SYNPO2L: variants seen among roughly 807,000 people sequenced by gnomAD.
The protein encoded by SYNPO2L is synaptopodin 2 like, also known as synaptopodin 2-like protein.
SYNPO2L carries 34 observed loss-of-function variants against 47.5 expected under a neutral mutation model. The observed-to-expected ratio is 0.72, with a 90% CI of 0.54 to 0.95. SYNPO2L has a LOEUF of 0.95. Ranked by LOEUF, SYNPO2L falls within the 40% of genes least tolerant of loss-of-function variation. SYNPO2L has a pLI of 0.00. For synonymous variants in SYNPO2L, 536 were observed against 524.9 expected, an observed-to-expected ratio of 1.02 and a Z score of -0.29; for missense variants, 1,246 against 1,282.0, an observed-to-expected ratio of 0.97 and a Z score of 0.43.
chr10:73,647,175 C>T lies in SYNPO2L; in HGVS notation c.2477G>A (p.Arg826Gln), dbSNP rs769605168. The T allele has an allele frequency of 1.2e-6, 2 of 1,613,588 alleles. No homozygotes were observed. The highest frequency in any genetic ancestry group is 1.3e-5 in the African/African-American group (1 of 74,802). Residue 826 changes from arginine to glutamine, a missense_variant, in exon 4 of 4, where the codon CGA becomes CAA. Transcript: ENST00000394810. ...CTGGGATTGGGCCTTAGGGAGAGTT[C>T]GGGCCGCCTGGGGGAAAAAGGGAGA... ...LLSPFFPQAA[R>Q]TLPKAQSQGP... is the part of the protein sequence containing the mutation.
In SYNPO2L at chr10:73,645,264, A is replaced by G; in HGVS notation, c.*1454T>C. On this transcript the variant is annotated 3_prime_UTR_variant, in exon 4 of 4. Transcript: ENST00000394810. The stretch of plus-strand genomic sequence containing the variant: ...TTCCACCATCATTCCCTTCCATTCT[A>G]ACATTCTTCTCCCTCAAATTTTTTT... 9.2e-7 allele frequency: 1 copy of G among 1,092,180 alleles called. No individual in the cohort carries two copies. The allele number at this position is 1,092,180 out of a possible 1,614,324, so 67.7% of individuals were successfully genotyped here.
rs1356519799 is a variant in SYNPO2L, at chr10:73,648,154, C to G, written c.1498G>C (p.Gly500Arg). 2 of 1,548,392 alleles carry G rather than the reference C, an allele frequency of 1.3e-6. No homozygotes were observed. The highest frequency in any genetic ancestry group is 1.9e-5 in the Admixed American group (1 of 53,052). Residue 500 changes from glycine (G) to arginine (R), a missense_variant, in exon 4 of 4, where the codon GGG becomes CGG. Gly to Arg is a moderately radical substitution (Grantham distance 125). This residue lies in a region of SYNPO2L where 1,037 missense variants were observed against 1,021.5 expected (regional missense o/e 1.02). Transcript: ENST00000394810. ...GGGGGTGGGGCGGGGCTGAGGCCCC[C>G]CAGGCTGTCGTTCGCCCTTTTGGGG... ...LAPKRANDSLGGLSPAPPPFL... is the reference protein window; with the variant it reads ...LAPKRANDSLRGLSPAPPPFL...
chr10:73,651,539 C>T (rs73274515), intron 3 of SYNPO2L, among the ~76,000 whole-genome samples: 4,523 of 152,094 alleles, frequency 0.03, 216 homozygotes, highest in African/African-American at 0.1. Context: ...TGGGAAAGCA[C>T]GGGAGGCATA....
intron 3 of SYNPO2L, among the ~76,000 whole-genome samples, chr10:73,652,539 G>A (rs570024206): frequency 2.8e-4 from 42 of 152,174 alleles, no homozygotes; most frequent in African/African-American, 9.4e-4. Context: ...GTGTGGTGGC[G>A]GGTGCCTATA....
At chr10:73,655,690 G>GAC in intron 1 of SYNPO2L, 128 bp downstream of exon 1, 1 of 271,704 alleles carries the variant, frequency 3.7e-6, no homozygotes, top group Non-Finnish European at 7.4e-6. Context: ...ATACTTCCCT[G>GAC]CCCACCACCC....
At chr10:73,653,687 G>A in intron 2 of SYNPO2L, 34 bp from the exon 3 acceptor site, 1 of 1,506,342 alleles carries the variant, frequency 6.6e-7, no homozygotes, top group Non-Finnish European at 8.9e-7. Flanking sequence ...TTGAGAGATG[G>A]GCTGGGTACT....
chr10:73,651,127 G>A (rs1015695036), intron 3 of SYNPO2L: 33 of 1,383,810 alleles, frequency 2.4e-5, no homozygotes, highest in Non-Finnish European at 2.9e-5. Context: ...GCTATTTTTG[G>A]AGCCTGGCCC....
Position 73,647,653 on chromosome 10 carries a change from C to G in SYNPO2L, c.1999G>C (p.Gly667Arg), listed in dbSNP as rs775835367. The G allele has an allele frequency of 2.5e-6, 4 of 1,614,132 alleles. No individual in the cohort carries two copies. The Admixed American group carries it at 5.0e-5, about 20-fold the overall frequency. Reference sequence around the variant, plus strand: ...TCTTCTTCAGGACCAGATTCTGCACCCCCGGCCCGAGGCTTTTCATCCAGG... The same window carrying G: ...TCTTCTTCAGGACCAGATTCTGCACGCCCGGCCCGAGGCTTTTCATCCAGG... Reference protein sequence around the residue: ...QNLDEKPRAGGAESGPEEDAL... With the variant: ...QNLDEKPRAGRAESGPEEDAL... The change falls in exon 4 of 4, where the codon GGT (glycine) becomes CGT (arginine). Residue 667 changes from glycine to arginine, a missense_variant. Physicochemically the swap from Gly to Arg is moderately radical, Grantham distance 125. Coordinates refer to ENST00000394810, the MANE Select transcript of SYNPO2L (RefSeq NM_001114133.3).
At position 73,654,130 on chromosome 10, in the gene SYNPO2L, G is replaced by T; in HGVS notation, c.256C>A (p.Arg86=). The T allele has an allele frequency of 1.3e-6, 2 of 1,551,610 alleles. No homozygotes were observed. Among genetic ancestry groups the T allele is most frequent in the Non-Finnish European group, 1.7e-6 (2 of 1,146,932 alleles). The stretch of plus-strand genomic sequence containing the variant: ...AGAGAAGAGGAGAGAGGTCCATACC[G>T]CTGCACAGTGAGGACAAGCTGATTT... ...SGNQLVLTVQ[R]LADEGPVQSP... is the part of the protein sequence containing the mutation. Residue 86 remains arginine, a splice_region_variant and synonymous_variant, in exon 2 of 4, where the codon CGG becomes AGG. Transcript: ENST00000394810.
intron 3 of SYNPO2L, chr10:73,651,115 G>A (rs1221860792): frequency 7.1e-7 from 1 of 1,403,912 alleles, no homozygotes; most frequent in Non-Finnish European, 9.3e-7. Context: ...TGAGCTCACT[G>A]TGCTATTTTT....
rs773960032 is a variant in SYNPO2L, at chr10:73,647,881, A to G, written c.1771T>C (p.Ser591Pro). 1.3e-6 allele frequency: 2 copies of G among 1,532,024 alleles called. No individual in the cohort carries two copies. Among genetic ancestry groups the G allele is most frequent in the East Asian group, 4.5e-5 (2 of 44,208 alleles). 94.9% of individuals were successfully genotyped at this position (1,532,024 alleles called of 1,614,324 possible). Residue 591 changes from serine (S) to proline (P), a missense_variant, in exon 4 of 4, where the codon TCT becomes CCT. This residue lies in a region of SYNPO2L where 1,037 missense variants were observed against 1,021.5 expected (regional missense o/e 1.02). Transcript: ENST00000394810. The part of the protein sequence containing the change: ...SIFLSAPLRP[S>P]ARPEAPAPGP... ...GGGGCAGGCGCCTCTGGGCGCGCAG[A>G]GGGTCGCAAAGGCGCAGATAGGAAG...
At position 73,648,060 on chromosome 10, in the gene SYNPO2L, A is replaced by G; in HGVS notation, c.1592T>C (p.Val531Ala). The change falls in exon 4 of 4, where the codon GTC (valine) becomes GCC (alanine). Residue 531 changes from valine (V) to alanine (A), a missense_variant. Val to Ala is a moderately conservative substitution (Grantham distance 64). Around this residue, in one of 3 missense-constraint regions of SYNPO2L, gnomAD observed 1,037 missense variants for 1,021.5 expected, o/e 1.02. Coordinates refer to ENST00000394810, the MANE Select transcript of SYNPO2L (RefSeq NM_001114133.3). Reference sequence around the variant, plus strand: ...GCGTGGGGTGCTGGGGGAACCAGAGACTGGCGCGTGGCTGGGAACCCCTGA... The same window carrying G: ...GCGTGGGGTGCTGGGGGAACCAGAGGCTGGCGCGTGGCTGGGAACCCCTGA... The part of the protein sequence containing the change: ...FTSGVPSHAP[V>A]SGSPSTPRSS... 6.3e-7 allele frequency: 1 copy of G among 1,586,464 alleles called. No homozygotes were observed. Among genetic ancestry groups the G allele is most frequent in the Non-Finnish European group, 8.6e-7 (1 of 1,166,938 alleles).
rs2081835397 is a variant in SYNPO2L, at chr10:73,650,852, G to A, written c.773-1973C>T. ...CAAAGACTACCCTTCCTAAACTATTGACATCTTCCCCTCCATTCTAGACCC... is the reference window on the plus strand; with the variant it reads ...CAAAGACTACCCTTCCTAAACTATTAACATCTTCCCCTCCATTCTAGACCC... On this transcript the variant is annotated intron_variant, in intron 3 of 3. Coordinates refer to ENST00000394810, the MANE Select transcript of SYNPO2L (RefSeq NM_001114133.3). The A allele has an allele frequency of 4.0e-6, 6 of 1,514,796 alleles. No homozygotes were observed. In the South Asian group the frequency reaches 7.9e-5, roughly 20 times the overall value. The allele number at this position is 1,514,796 out of a possible 1,614,324, so 93.8% of individuals were successfully genotyped here.
chr10:73,645,167 G>A lies in SYNPO2L; in HGVS notation c.*1551C>T. On this transcript the variant is annotated 3_prime_UTR_variant, in exon 4 of 4. Coordinates refer to ENST00000394810, the MANE Select transcript of SYNPO2L (RefSeq NM_001114133.3). ...GGCAAGCTGCAGAAGACACACTGAA[G>A]AACAGACTCAAGGAAAATCACACAG... The A allele has an allele frequency of 8.5e-7, 1 of 1,182,956 alleles. No individual in the cohort carries two copies. Among genetic ancestry groups the A allele is most frequent in the Non-Finnish European group, 1.1e-6 (1 of 939,508 alleles). 73.3% of individuals were successfully genotyped at this position (1,182,956 alleles called of 1,614,324 possible).
At position 73,648,271 on chromosome 10, in the gene SYNPO2L, G is replaced by C. The variant is rs750755102; in HGVS notation, c.1381C>G (p.Pro461Ala). 1.2e-6 allele frequency: 2 copies of C among 1,600,462 alleles called. No homozygotes were observed. Among genetic ancestry groups the C allele is most frequent in the South Asian group, 2.2e-5 (2 of 90,956 alleles). ...QPGGGAPTPA[P>A]SIFNRSARPF... is the part of the protein sequence containing the mutation. ...CTGGCTGACCGGTTAAAGATGCTTGGAGCTGGGGTCGGGGCTCCACCACCT... is the reference window on the plus strand; with the variant it reads ...CTGGCTGACCGGTTAAAGATGCTTGCAGCTGGGGTCGGGGCTCCACCACCT... Residue 461 changes from proline (P) to alanine (A), a missense_variant, in exon 4 of 4, where the codon CCA becomes GCA. Pro to Ala is a conservative substitution (Grantham distance 27). Transcript: ENST00000394810.
chr10:73,652,204 G>C (rs1277611146), intron 3 of SYNPO2L, among the ~76,000 whole-genome samples: 1 of 151,234 alleles, frequency 6.6e-6, no homozygotes, highest in Non-Finnish European at 1.5e-5. Context: ...TCACGCTGGA[G>C]TGCAGTGGCG....
At chr10:73,649,930 T>G in intron 3 of SYNPO2L, 1 of 985,380 alleles carries the variant, frequency 1.0e-6, no homozygotes, top group Non-Finnish European at 1.2e-6. Flanking sequence ...TACCCCAAGC[T>G]GGGGATGGTA....
In SYNPO2L at chr10:73,655,864, C is replaced by A. The variant is rs976092836; in HGVS notation, c.59G>T (p.Arg20Leu). 14 of 1,551,152 alleles carry A rather than the reference C, an allele frequency of 9.0e-6. No homozygotes were observed. The highest frequency in any genetic ancestry group is 1.1e-5 in the Non-Finnish European group (13 of 1,146,930). The change falls in exon 1 of 4, where the codon CGA (arginine) becomes CTA (leucine). Residue 20 changes from arginine to leucine, a missense_variant. Coordinates refer to ENST00000394810, the MANE Select transcript of SYNPO2L (RefSeq NM_001114133.3). Reference protein sequence around the residue: ...TLSGGAPWGFRLHGGAEQRKP... With the variant: ...TLSGGAPWGFLLHGGAEQRKP... Reference sequence around the variant, plus strand: ...CCTCTGCTCGGCCCCCCCATGAAGTCGGAAGCCCCAGGGGGCTCCCCCTGA... The same window carrying A: ...CCTCTGCTCGGCCCCCCCATGAAGTAGGAAGCCCCAGGGGGCTCCCCCTGA...
At chr10:73,655,776 G>T (rs1589456759) in intron 1 of SYNPO2L, 42 bp downstream of exon 1, 1 of 1,385,340 alleles carries the variant, frequency 7.2e-7, no homozygotes, top group African/African-American at 1.5e-5. Context: ...GATCCCTTGG[G>T]TTCCCTTTCC....
Sources: gnomAD v4.1 joint callset for allele counts (sites outside exome capture counted in the v4.1 genomes callset) on GRCh38, gnomAD v4.1.1 for gene constraint, gnomAD v4.1.1 regional missense constraint, MANE v1.5 for transcripts, NCBI Gene and HGNC (gene_info 2026-07-23, HGNC 2026-07-21) for gene names.